CNTNAP2: variants seen among roughly 807,000 people sequenced by gnomAD.
The protein encoded by CNTNAP2 is contactin-associated protein-like 2.
CNTNAP2 carries 98 observed loss-of-function variants against 155.2 expected under a neutral mutation model. The observed-to-expected ratio is 0.63, with a 90% CI of 0.54 to 0.75. The LOEUF (loss-of-function observed/expected upper bound fraction) is 0.75, where lower values mean the gene tolerates loss of function less well. Among genes scored for constraint, CNTNAP2 ranks in the 30% least tolerant of loss-of-function variants. The probability of loss-of-function intolerance (pLI) is 0.00; values close to 1 mark genes in which losing one functional copy is unlikely to be tolerated. For missense variants in CNTNAP2, 1,727 were observed against 1,688.1 expected, an observed-to-expected ratio of 1.02 and a Z score of -0.40; for synonymous variants, 651 against 631.2, an observed-to-expected ratio of 1.03 and a Z score of -0.47.
At chr7:146,939,522 T>G (rs939793834) in intron 3 of CNTNAP2, among the ~76,000 whole-genome samples, 1 of 152,198 alleles carries the variant, frequency 6.6e-6, no homozygotes, top group African/African-American at 2.4e-5. Flanking sequence ...AATTATCTAT[T>G]TAGAAGCACT....
chr7:147,980,932 A>G (rs1801515610), intron 15 of CNTNAP2, among the ~76,000 whole-genome samples: 1 of 61,736 alleles, frequency 1.6e-5, no homozygotes, highest in Non-Finnish European at 3.8e-5. Flanking sequence ...CTCCATCTTA[A>G]CAAAAAAAAA....
At chr7:147,096,106 C>T (rs978779914) in intron 4 of CNTNAP2, among the ~76,000 whole-genome samples, 1 of 152,154 alleles carries the variant, frequency 6.6e-6, no homozygotes, top group Admixed American at 6.5e-5. Context: ...CAGATACATA[C>T]TGGTTATTCA....
chr7:147,492,007 CATT>C, intron 11 of CNTNAP2, among the ~76,000 whole-genome samples: 1 of 152,270 alleles, frequency 6.6e-6, no homozygotes, highest in South Asian at 2.1e-4. Context: ...AGAACTATGA[CATT>C]ATAGTAACAA....
At chr7:146,772,541 C>T (rs1272985983) in intron 1 of CNTNAP2, among the ~76,000 whole-genome samples, 13 of 151,276 alleles carry the variant, frequency 8.6e-5, no homozygotes, top group African/African-American at 2.9e-4. Flanking sequence ...TGGTGGCACA[C>T]GCCTGTAATC....
In CNTNAP2 at chr7:147,544,964, T is replaced by G. The variant is rs112878686; in HGVS notation, c.1778-17174T>G. Among the ~76,000 whole-genome samples, 652 of 152,218 alleles carry G rather than the reference T, an allele frequency of 4.3e-3. 8 individuals are homozygous for G. Among genetic ancestry groups the G allele is most frequent in the African/African-American group, 0.015 (620 of 41,518 alleles). On this transcript the variant is annotated intron_variant, in intron 11 of 23. Transcript: ENST00000361727. ...CATTAAACCTCTTTCCTTTATAAAT[T>G]ACTCAGTCTCGAGTTTGTCTTTATT...
chr7:147,445,975 CT>C (rs897281743), intron 10 of CNTNAP2, among the ~76,000 whole-genome samples: 17 of 152,034 alleles, frequency 1.1e-4, no homozygotes, highest in Middle Eastern at 3.4e-3. Context: ...ATCAAAGGTT[CT>C]GAGTGGTTGT....
chr7:148,079,826 A>T (rs1803561492), intron 15 of CNTNAP2, among the ~76,000 whole-genome samples: 2 of 152,098 alleles, frequency 1.3e-5, no homozygotes, highest in Non-Finnish European at 2.9e-5. Flanking sequence ...TTCCAAAGGG[A>T]GGAGGGTATA....
intron 1 of CNTNAP2, among the ~76,000 whole-genome samples, chr7:146,537,759 G>T (rs576200545): frequency 6.6e-6 from 1 of 152,234 alleles, no homozygotes; most frequent in South Asian, 2.1e-4. Flanking sequence ...AGTGCCTGAG[G>T]TAGGCATTCA....
chr7:146,286,123 C>T (rs1800333089), intron 1 of CNTNAP2, among the ~76,000 whole-genome samples: 1 of 145,848 alleles, frequency 6.9e-6, no homozygotes, highest in Non-Finnish European at 1.5e-5. Flanking sequence ...GAATTTCTTA[C>T]AACATAGTCT....
intron 15 of CNTNAP2, among the ~76,000 whole-genome samples, chr7:148,014,751 CA>C (rs1802145253): frequency 6.6e-6 from 1 of 152,130 alleles, no homozygotes; most frequent in Non-Finnish European, 1.5e-5. Context: ...CAACAGAAGC[CA>C]ATAATAATTA....
At chr7:146,414,529 C>T (rs1795909817) in intron 1 of CNTNAP2, among the ~76,000 whole-genome samples, 1 of 152,140 alleles carries the variant, frequency 6.6e-6, no homozygotes, top group South Asian at 2.1e-4. Flanking sequence ...GACTATTTCT[C>T]CATAGTCCTG....
At chr7:147,850,442 A>T (rs1798913935) in intron 13 of CNTNAP2, among the ~76,000 whole-genome samples, 2 of 152,358 alleles carry the variant, frequency 1.3e-5, no homozygotes, top group South Asian at 4.1e-4. Flanking sequence ...CAACCAAAAA[A>T]GAGCCCGCAT....
chr7:148,121,773 A>G, intron 16 of CNTNAP2, among the ~76,000 whole-genome samples: 1 of 152,226 alleles, frequency 6.6e-6, no homozygotes, highest in South Asian at 2.1e-4. Flanking sequence ...ATGCACAAGT[A>G]GAAAAACACA....
At chr7:148,356,354 A>G (rs745636048) in intron 21 of CNTNAP2, among the ~76,000 whole-genome samples, 69 of 152,236 alleles carry the variant, frequency 4.5e-4, no homozygotes, top group Non-Finnish European at 8.8e-4. Flanking sequence ...GAAGGGTGTT[A>G]TATAAAAAAT....
intron 21 of CNTNAP2, among the ~76,000 whole-genome samples, chr7:148,323,746 A>G (rs1347576083): frequency 6.6e-6 from 1 of 152,180 alleles, no homozygotes; most frequent in East Asian, 1.9e-4. Context: ...CAGAAATTAG[A>G]GGACAGTAAA....
At chr7:146,536,642 G>T (rs1257424786) in intron 1 of CNTNAP2, among the ~76,000 whole-genome samples, 1 of 145,432 alleles carries the variant, frequency 6.9e-6, no homozygotes, top group East Asian at 2.0e-4. Flanking sequence ...TTATGGAAAA[G>T]AAACTAATGC....
chr7:147,329,148 A>C (rs547587811), intron 9 of CNTNAP2, among the ~76,000 whole-genome samples: 3,160 of 151,612 alleles, frequency 0.021, 43 homozygotes, highest in Non-Finnish European at 0.032. Flanking sequence ...ACCCCCCCAC[A>C]CACACACACA....
intron 11 of CNTNAP2, among the ~76,000 whole-genome samples, chr7:147,554,137 T>C (rs563571810): frequency 3.9e-5 from 6 of 152,270 alleles, no homozygotes; most frequent in African/African-American, 1.2e-4. Context: ...GCCTGTTGGA[T>C]TTTGTAGGCT....
intron 9 of CNTNAP2, among the ~76,000 whole-genome samples, chr7:147,370,391 C>T (rs1796322161): frequency 6.6e-6 from 1 of 152,106 alleles, no homozygotes; most frequent in African/African-American, 2.4e-5. Context: ...GCACATCAGT[C>T]GTTTCTTGTC....
Sources: gnomAD v4.1 joint callset for allele counts (sites outside exome capture counted in the v4.1 genomes callset) on GRCh38, gnomAD v4.1.1 for gene constraint, MANE v1.5 for transcripts, NCBI Gene and HGNC (gene_info 2026-07-23, HGNC 2026-07-21) for gene names.